Variants in PLCG2 observed in about 807,000 individuals in gnomAD.
The protein encoded by PLCG2 is 1-phosphatidylinositol 4,5-bisphosphate phosphodiesterase gamma-2.
A neutral mutation model predicts 175.6 loss-of-function variants in PLCG2; 69 were observed. The ratio of observed to expected loss-of-function variants is 0.39; its 90% CI spans 0.32 to 0.48. PLCG2 has a LOEUF of 0.48. Ranked by LOEUF, PLCG2 falls within the 20% of genes least tolerant of loss-of-function variation. The pLI, the probability that PLCG2 is intolerant of heterozygous loss-of-function variation, is 0.91. For synonymous variants in PLCG2, 827 were observed against 624.0 expected, an observed-to-expected ratio of 1.33 and a Z score of -4.85; for missense variants, 1,798 against 1,650.9, an observed-to-expected ratio of 1.09 and a Z score of -1.54.
intron 25 of PLCG2, 70 bp from the exon 26 acceptor site, chr16:81,934,359 A>G (rs929365934): frequency 5.3e-6 from 5 of 948,424 alleles, no homozygotes; most frequent in Non-Finnish European, 6.8e-6. Context: ...TGGAGGAGGA[A>G]AAATGCAGGG....
intron 2 of PLCG2, among the ~76,000 whole-genome samples, chr16:81,818,445 G>T (rs1904647683): frequency 6.6e-6 from 1 of 152,150 alleles, no homozygotes; most frequent in Non-Finnish European, 1.5e-5. Flanking sequence ...ATGATGACTA[G>T]CACATACCAG....
At chr16:81,859,090 T>C (rs767479632) in intron 4 of PLCG2, 26 bp from the exon 5 acceptor site, 1 of 1,456,930 alleles carries the variant, frequency 6.9e-7, no homozygotes. Flanking sequence ...CTTTCTCTCT[T>C]TCTTTTGTCT....
intron 7 of PLCG2, among the ~76,000 whole-genome samples, chr16:81,876,451 A>C (rs1252040638): frequency 6.6e-6 from 1 of 152,102 alleles, no homozygotes; most frequent in Non-Finnish European, 1.5e-5. Context: ...CCACGTGGGA[A>C]AACTCCATTC....
At chr16:81,759,622 A>G (rs1458824371) in intron 2 of PLCG2, among the ~76,000 whole-genome samples, 1 of 152,134 alleles carries the variant, frequency 6.6e-6, no homozygotes, top group Non-Finnish European at 1.5e-5. Context: ...TGAGACCCCC[A>G]GTGCCTGGAG....
intron 30 of PLCG2, among the ~76,000 whole-genome samples, chr16:81,941,731 T>A (rs1437851001): frequency 6.6e-6 from 1 of 151,162 alleles, no homozygotes; most frequent in African/African-American, 2.4e-5. Flanking sequence ...GGAGTCTTGC[T>A]CTGTCGCTCA....
intron 5 of PLCG2, among the ~76,000 whole-genome samples, chr16:81,861,160 AG>A (rs1906962579): frequency 6.6e-6 from 1 of 152,170 alleles, no homozygotes; most frequent in Non-Finnish European, 1.5e-5. Flanking sequence ...GCCTCACGTG[AG>A]GCACCTTATT....
intron 5 of PLCG2, among the ~76,000 whole-genome samples, chr16:81,867,652 C>G (rs192511820): frequency 1.1e-4 from 16 of 152,242 alleles, no homozygotes; most frequent in Admixed American, 1.0e-3. Context: ...GTTACTGCTG[C>G]TGCTGCTCCT....
At chr16:81,798,532 T>G (rs1911575330) in intron 2 of PLCG2, 1 of 152,234 alleles carries the variant, frequency 6.6e-6, no homozygotes, top group Non-Finnish European at 1.5e-5. Flanking sequence ...GAAACAGTGA[T>G]GATACCACAT....
At chr16:81,895,676 G>C in intron 12 of PLCG2, 131 bp from the exon 13 acceptor site, 2 of 954,124 alleles carry the variant, frequency 2.1e-6, no homozygotes, top group Non-Finnish European at 3.2e-6. Context: ...CCATGTCCTC[G>C]TGTTGGCAGC....
chr16:81,760,757 A>ATAATAAT, intron 2 of PLCG2, among the ~76,000 whole-genome samples: 1 of 146,410 alleles, frequency 6.8e-6, no homozygotes, highest in African/African-American at 2.5e-5. Context: ...TTAAAAAAAA[A>ATAATAAT]AATAATAATA....
chr16:81,956,621 T>G, intron 31 of PLCG2, 74 bp from the exon 32 acceptor site: 415 of 1,352,748 alleles, frequency 3.1e-4, no homozygotes, highest in Non-Finnish European at 3.9e-4. Context: ...GGCATGCTTG[T>G]GAGATGCCAG....
At chr16:81,741,039 C>A (rs536669812) in intron 1 of PLCG2, among the ~76,000 whole-genome samples, 2 of 152,268 alleles carry the variant, frequency 1.3e-5, no homozygotes, top group African/African-American at 4.8e-5. Context: ...GAGGGGTTCC[C>A]CCAAGGCAGT....
intron 31 of PLCG2, among the ~76,000 whole-genome samples, chr16:81,950,213 G>C (rs929964702): frequency 1.3e-5 from 2 of 152,148 alleles, no homozygotes; most frequent in Admixed American, 6.5e-5. Flanking sequence ...TACAACAAGA[G>C]GCCTAAAGGC....
chr16:81,862,094 A>G (rs1370617854), intron 5 of PLCG2, among the ~76,000 whole-genome samples: 1 of 152,234 alleles, frequency 6.6e-6, no homozygotes, highest in East Asian at 1.9e-4. Context: ...CCAAGATGCC[A>G]ATGAAAGAGC....
intron 2 of PLCG2, among the ~76,000 whole-genome samples, chr16:81,763,398 C>T (rs1179389833): frequency 6.6e-6 from 1 of 152,254 alleles, no homozygotes; most frequent in Non-Finnish European, 1.5e-5. Context: ...TTCCAGCTCT[C>T]TGCAAGGTCT....
intron 7 of PLCG2, among the ~76,000 whole-genome samples, chr16:81,875,881 G>T (rs1447290767): frequency 7.2e-5 from 11 of 152,170 alleles, no homozygotes; most frequent in Admixed American, 2.0e-4. Context: ...GGAAGTGAGT[G>T]ATGAGCGTTC....
intron 17 of PLCG2, 89 bp from the exon 18 acceptor site, chr16:81,910,431 C>G (rs1264902918): frequency 8.7e-6 from 10 of 1,147,654 alleles, no homozygotes; most frequent in Non-Finnish European, 1.3e-5. Context: ...GTTGTGTGGC[C>G]ACATGTAATG....
chr16:81,794,913 A>G (rs780131383), intron 2 of PLCG2, among the ~76,000 whole-genome samples: 3 of 152,210 alleles, frequency 2.0e-5, no homozygotes, highest in Non-Finnish European at 4.4e-5. Context: ...GCCAGTGTGA[A>G]AAGTAGAGTT....
At chr16:81,949,724 T>G (rs1022797878) in intron 31 of PLCG2, among the ~76,000 whole-genome samples, 1 of 152,130 alleles carries the variant, frequency 6.6e-6, no homozygotes, top group African/African-American at 2.4e-5. Context: ...GTGATAAAAA[T>G]TTTGTCATGG....
Sources: allele counts gnomAD v4.1 joint callset (sites outside exome capture counted in the v4.1 genomes callset), GRCh38; gene constraint gnomAD v4.1.1; transcripts MANE v1.5; gene names NCBI Gene and HGNC (gene_info 2026-07-23, HGNC 2026-07-21).